Variants in GLIPR2 observed in about 807,000 individuals in gnomAD.
GLIPR2 encodes GLI pathogenesis related 2, also known as Golgi-associated plant pathogenesis-related protein 1.
GLIPR2 carries 21 observed loss-of-function variants against 20.4 expected under a neutral mutation model. The observed-to-expected ratio is 1.03, with a 90% CI of 0.73 to 1.48. The LOEUF is 1.48. Ranked by LOEUF, GLIPR2 falls within the 40% of genes most tolerant of loss-of-function variation. The pLI is 0.00. For missense variants in GLIPR2, 205 were observed against 200.1 expected (o/e 1.02, Z -0.15); for synonymous variants, 91 against 80.5 (o/e 1.13, Z -0.70).
chr9:36,148,712 G>A (rs1228249138), intron 3 of GLIPR2, 62 bp downstream of exon 3: 10 of 1,144,330 alleles, frequency 8.7e-6, no homozygotes, highest in Non-Finnish European at 1.3e-5. Flanking sequence ...AAGTCCTCCT[G>A]AAATGCCTCC....
At chr9:36,137,584 C>G (rs79625583) in intron 1 of GLIPR2, among the ~76,000 whole-genome samples, 1,911 of 152,328 alleles carry the variant, frequency 0.013, 71 homozygotes, top group East Asian at 0.069. Flanking sequence ...GTGATTCCCC[C>G]CGGGAGGGAG....
At chr9:36,148,064 A>G (rs1331345163) in intron 2 of GLIPR2, among the ~76,000 whole-genome samples, 170 bp downstream of exon 2, 1 of 152,192 alleles carries the variant, frequency 6.6e-6, no homozygotes, top group Non-Finnish European at 1.5e-5. Context: ...CCTGGCCAAT[A>G]TGGTGAAACC....
intron 1 of GLIPR2, among the ~76,000 whole-genome samples, chr9:36,137,926 A>G (rs1824900081): frequency 6.6e-6 from 1 of 152,242 alleles, no homozygotes; most frequent in South Asian, 2.1e-4. Context: ...TAGGCTGTAG[A>G]GGCAGGTCTG....
Position 36,136,833 on chromosome 9 carries a change from C to T in GLIPR2, c.13+42C>T. ...GCCCGCTGCGGAATGGTTCGGAACCCCGCGCTCCCGGACCTCGCCGTCTCC... is the reference window on the plus strand; with the variant it reads ...GCCCGCTGCGGAATGGTTCGGAACCTCGCGCTCCCGGACCTCGCCGTCTCC... On this transcript the variant is annotated intron_variant, in intron 1 of 4. Transcript: ENST00000377960. This position sits in a 1 kb window ranked among gnomAD's most constrained non-coding sequence, Gnocchi z 4.3. 1 of 1,272,844 alleles carries T rather than the reference C, an allele frequency of 7.9e-7. No homozygotes were observed. The highest frequency in any genetic ancestry group is 3.2e-5 in the East Asian group (1 of 31,694). The allele number at this position is 1,272,844 out of a possible 1,614,324, so 78.8% of individuals were successfully genotyped here.
rs11541720 is a variant in GLIPR2 at position 36,147,881 on chromosome 9, C to A, written c.109C>A (p.Arg37=). The part of the protein sequence containing the change: ...PPLKLCKNLN[R]EAQQYSEALA... ...ACTGAAGCTCTGCAAGAACCTCAACCGGGAGGCTCAACAGTGAGTCCCCTA... is the reference window on the plus strand; with the variant it reads ...ACTGAAGCTCTGCAAGAACCTCAACAGGGAGGCTCAACAGTGAGTCCCCTA... Residue 37 remains arginine, a synonymous_variant, in exon 2 of 5, where the codon CGG becomes AGG. Transcript: ENST00000377960. 1 of 1,537,452 alleles carries A rather than the reference C, an allele frequency of 6.5e-7. No individual in the cohort carries two copies. Among genetic ancestry groups the A allele is most frequent in the Non-Finnish European group, 9.0e-7 (1 of 1,110,262 alleles).
chr9:36,143,112 C>G (rs1448653692), intron 1 of GLIPR2, among the ~76,000 whole-genome samples: 1 of 152,154 alleles, frequency 6.6e-6, no homozygotes, highest in East Asian at 1.9e-4. Flanking sequence ...GTGCAGTGAC[C>G]TAGTTTTTAG....
rs535763331 is a variant in GLIPR2, at chr9:36,158,192, G to C, written c.305-4170G>C. Among the ~76,000 whole-genome samples, 39 of 152,312 alleles carry C rather than the reference G, an allele frequency of 2.6e-4. 1 individual carries two copies. In the South Asian group the frequency reaches 7.5e-3, roughly 29 times the overall value. On this transcript the variant is annotated intron_variant, in intron 4 of 4. Transcript: ENST00000377960. The stretch of plus-strand genomic sequence containing the variant: ...ATAAATATCTGAATCCCTGCTTTCA[G>C]TACTTTTGGGTATATACCTAGAAGT...
At chr9:36,153,237 A>T (rs924173916) in intron 4 of GLIPR2, among the ~76,000 whole-genome samples, 2 of 152,102 alleles carry the variant, frequency 1.3e-5, no homozygotes, top group Admixed American at 1.3e-4. Context: ...CCCTGATCTG[A>T]TGCTTTTTCC....
chr9:36,136,536 C>T (rs1824821532), upstream of GLIPR2: 2 of 346,416 alleles, frequency 5.8e-6, no homozygotes, highest in Non-Finnish European at 1.0e-5. This position sits in a 1 kb window ranked among gnomAD's most constrained non-coding sequence, Gnocchi z 4.3. Flanking sequence ...TTGAGCCCCG[C>T]GGCCGCATCC....
intron 4 of GLIPR2, among the ~76,000 whole-genome samples, chr9:36,155,121 A>G (rs1825774254): frequency 6.6e-6 from 1 of 152,258 alleles, no homozygotes; most frequent in Non-Finnish European, 1.5e-5. Context: ...ATACAAGTTT[A>G]AAGTTAGTGG....
chr9:36,139,646 T>A (rs1230481932), intron 1 of GLIPR2, among the ~76,000 whole-genome samples: 3 of 152,206 alleles, frequency 2.0e-5, no homozygotes, highest in African/African-American at 7.2e-5. Flanking sequence ...CTTCTGGGCC[T>A]CAGTTTCCTC....
chr9:36,162,853 T>C lies in GLIPR2; in HGVS notation c.*331T>C, dbSNP rs1205416568. The C allele has an allele frequency of 4.2e-6, 2 of 474,322 alleles. No homozygotes were observed. The highest frequency in any genetic ancestry group is 8.3e-6 in the Non-Finnish European group (2 of 241,792). 29.4% of individuals were successfully genotyped at this position (474,322 alleles called of 1,614,324 possible). On this transcript the variant is annotated 3_prime_UTR_variant, in exon 5 of 5. Coordinates refer to ENST00000377960, the MANE Select transcript of GLIPR2 (RefSeq NM_022343.4). ...TTTTCTTACTTCTAATATCCATCCC[T>C]GGACTTTTTGTATTCCAAATGTTTG...
chr9:36,138,298 C>G (rs1172320361), intron 1 of GLIPR2, among the ~76,000 whole-genome samples: 3 of 151,918 alleles, frequency 2.0e-5, no homozygotes, highest in Admixed American at 6.6e-5. Flanking sequence ...GATCTCGGCT[C>G]ACTGCAACCT....
intron 4 of GLIPR2, among the ~76,000 whole-genome samples, chr9:36,156,224 T>C (rs1393374526): frequency 6.7e-6 from 1 of 149,998 alleles, no homozygotes; most frequent in East Asian, 2.0e-4. Context: ...AATTAAAAAA[T>C]TAAAAAATTA....
At chr9:36,142,442 G>A (rs1044299971) in intron 1 of GLIPR2, among the ~76,000 whole-genome samples, 1 of 152,166 alleles carries the variant, frequency 6.6e-6, no homozygotes, top group South Asian at 2.1e-4. Flanking sequence ...CATGGGTAAG[G>A]TCATGGCAGC....
chr9:36,150,216 T>C (rs1005402425), intron 3 of GLIPR2, among the ~76,000 whole-genome samples: 1 of 152,212 alleles, frequency 6.6e-6, no homozygotes, highest in Non-Finnish European at 1.5e-5. Context: ...TAGGTCCCTC[T>C]GTAGACCTAC....
At chr9:36,158,098 C>A (rs898239591) in intron 4 of GLIPR2, among the ~76,000 whole-genome samples, 3 of 152,228 alleles carry the variant, frequency 2.0e-5, no homozygotes, top group African/African-American at 7.2e-5. Flanking sequence ...CAGGCGTGAG[C>A]CACTGCGCCC....
intron 4 of GLIPR2, among the ~76,000 whole-genome samples, chr9:36,153,135 A>G (rs1413187731): frequency 4.0e-5 from 6 of 151,572 alleles, no homozygotes; most frequent in African/African-American, 1.5e-4. Context: ...AAAAAAAAAA[A>G]AAAAAAAGAA....
At chr9:36,138,652 G>A (rs761236329) in intron 1 of GLIPR2, among the ~76,000 whole-genome samples, 21 of 152,194 alleles carry the variant, frequency 1.4e-4, no homozygotes, top group Non-Finnish European at 2.2e-4. Context: ...TAGCAGCTCT[G>A]TATCAAGCTG....
Sources: allele counts gnomAD v4.1 joint callset (sites outside exome capture counted in the v4.1 genomes callset), GRCh38; gene constraint gnomAD v4.1.1; non-coding constraint Gnocchi (gnomAD v3.1); transcripts MANE v1.5; gene names NCBI Gene and HGNC (gene_info 2026-07-23, HGNC 2026-07-21).